STK39: variants seen among roughly 807,000 people sequenced by gnomAD.
STK39 encodes the protein serine/threonine kinase 39.
In STK39, 20 loss-of-function variants were observed where a neutral mutation model predicts 77.8. The ratio of observed to expected loss-of-function variants is 0.26; its 90% CI spans 0.18 to 0.37. The LOEUF (loss-of-function observed/expected upper bound fraction) is 0.37, where lower values mean the gene tolerates loss of function less well. Among genes scored for constraint, STK39 ranks in the 10% least tolerant of loss-of-function variants. The probability of loss-of-function intolerance (pLI) is 1.00; values close to 1 mark genes in which losing one functional copy is unlikely to be tolerated. For missense variants in STK39, 479 were observed against 656.5 expected, an observed-to-expected ratio of 0.73 and a Z score of 2.95; for synonymous variants, 246 against 234.1, an observed-to-expected ratio of 1.05 and a Z score of -0.47.
chr2:168,165,020 A>G (rs776905895), intron 3 of STK39, among the ~76,000 whole-genome samples: 13 of 152,200 alleles, frequency 8.5e-5, no homozygotes, highest in Non-Finnish European at 7.3e-5. Context: ...TAAGAGATTC[A>G]ATGTAATGAA....
intron 12 of STK39, 65 bp from the exon 13 acceptor site, chr2:168,065,446 C>T: frequency 6.7e-7 from 1 of 1,494,140 alleles, no homozygotes; most frequent in South Asian, 1.1e-5. Context: ...AGTGTGGTTA[C>T]ATTAAGTCCC....
intron 16 of STK39, among the ~76,000 whole-genome samples, chr2:168,003,744 C>T (rs768740943): frequency 6.6e-6 from 1 of 152,166 alleles, no homozygotes; most frequent in Non-Finnish European, 1.5e-5. Context: ...TTCAACTAAC[C>T]ACAAGCCTGT....
intron 1 of STK39, among the ~76,000 whole-genome samples, chr2:168,241,147 T>C (rs188949849): frequency 6.6e-4 from 100 of 152,336 alleles, no homozygotes; most frequent in African/African-American, 2.3e-3. Context: ...TGTTCTCTTT[T>C]GTCATTTAAA....
chr2:167,985,329 ACTGAT>A (rs1683530368), intron 16 of STK39, among the ~76,000 whole-genome samples: 1 of 152,328 alleles, frequency 6.6e-6, no homozygotes, highest in African/African-American at 2.4e-5. Flanking sequence ...GAACTTCTGA[ACTGAT>A]TTGTTGTTTG....
intron 2 of STK39, among the ~76,000 whole-genome samples, chr2:168,181,221 A>AG (rs2105628332): frequency 6.6e-6 from 1 of 152,344 alleles, no homozygotes; most frequent in Non-Finnish European, 1.5e-5. Flanking sequence ...AATGGCCAAA[A>AG]GGGAAAAAAA....
At chr2:168,094,830 A>T (rs1652880412) in intron 10 of STK39, among the ~76,000 whole-genome samples, 1 of 152,142 alleles carries the variant, frequency 6.6e-6, no homozygotes, top group Admixed American at 6.5e-5. Flanking sequence ...TGGAACTTCC[A>T]ACTCAAATGC....
intron 12 of STK39, among the ~76,000 whole-genome samples, chr2:168,067,858 C>T (rs115219215): frequency 0.022 from 3,351 of 152,106 alleles, 134 homozygotes; most frequent in African/African-American, 0.077. Flanking sequence ...TGTATTAGTC[C>T]GGTTTCATAT....
chr2:167,959,285 A>AT lies in STK39; in HGVS notation c.1564-3716dup, dbSNP rs1348135554. Among the ~76,000 whole-genome samples the AT allele has an allele frequency of 5.1e-3, 732 of 143,958 alleles. 2 individuals carry two copies. The highest frequency in any genetic ancestry group is 0.013 in the African/African-American group (528 of 39,518). The allele number at this position is 143,958 out of a possible 152,430, so 94.4% of individuals were successfully genotyped here. On this transcript the variant is annotated intron_variant, in intron 17 of 17. Transcript: ENST00000355999. ...AGGTGCCCGCCACCATGTCCAGGTA[A>AT]TTTTTTTTTTTTTGTATTTTTAGTA...
intron 15 of STK39, among the ~76,000 whole-genome samples, chr2:168,015,054 T>C (rs150010875): frequency 6.6e-6 from 1 of 152,350 alleles, no homozygotes; most frequent in African/African-American, 2.4e-5. Context: ...TAGGCAATTA[T>C]TTTGTATGCA....
intron 5 of STK39, among the ~76,000 whole-genome samples, chr2:168,146,740 A>G (rs1688150461): frequency 1.3e-5 from 2 of 152,216 alleles, no homozygotes; most frequent in Non-Finnish European, 2.9e-5. Flanking sequence ...AAAAGTGACC[A>G]TGCAGGGATG....
intron 2 of STK39, among the ~76,000 whole-genome samples, chr2:168,169,420 G>GT (rs1158706526): frequency 6.6e-6 from 1 of 152,178 alleles, no homozygotes; most frequent in Non-Finnish European, 1.5e-5. Context: ...CACTCTAAAT[G>GT]TAAGTGAATG....
At chr2:168,206,709 T>C (rs1455383452) in intron 1 of STK39, among the ~76,000 whole-genome samples, 5 of 152,192 alleles carry the variant, frequency 3.3e-5, no homozygotes, top group South Asian at 2.1e-4. Flanking sequence ...CATTTTATGG[T>C]GTTATGGATC....
In STK39 at chr2:168,022,011, A is replaced by T. The variant is rs72887605; in HGVS notation, c.1377-4916T>A. 6.1e-3 allele frequency among the ~76,000 whole-genome samples: 927 copies of T among 152,270 alleles called. 9 individuals are homozygous for T. The highest frequency in any genetic ancestry group is 7.9e-3 in the Non-Finnish European group (536 of 68,028). ...ATATATTGAATACAGATGATAGCAT[A>T]GTATATCCACTGTTCTGTATCTTGC... On this transcript the variant is annotated intron_variant, in intron 14 of 17. Transcript: ENST00000355999.
chr2:168,230,321 C>T (rs1453936356), intron 1 of STK39, among the ~76,000 whole-genome samples: 1 of 152,176 alleles, frequency 6.6e-6, no homozygotes, highest in East Asian at 1.9e-4. Flanking sequence ...GACTAGGCCT[C>T]AAGAGTCTTT....
chr2:168,198,634 T>C (rs1689534677), intron 1 of STK39, among the ~76,000 whole-genome samples: 1 of 152,238 alleles, frequency 6.6e-6, no homozygotes, highest in Non-Finnish European at 1.5e-5. Flanking sequence ...CATCTGAATC[T>C]GATCTAAACC....
At chr2:168,201,737 G>A (rs1055944323) in intron 1 of STK39, among the ~76,000 whole-genome samples, 2 of 152,052 alleles carry the variant, frequency 1.3e-5, no homozygotes, top group Non-Finnish European at 2.9e-5. Flanking sequence ...GACCCACTGA[G>A]AATCAAAACC....
chr2:168,034,485 A>C (rs145473969), intron 14 of STK39, among the ~76,000 whole-genome samples: 78 of 152,360 alleles, frequency 5.1e-4, no homozygotes, highest in African/African-American at 1.8e-3. Flanking sequence ...TCTGACGAAA[A>C]AAGGGATGGA....
Position 167,998,622 on chromosome 2 carries a change from T to TTTTG in STK39, c.1498+14008_1498+14011dup, listed in dbSNP as rs144974144. ...CGTGATTAATGCCTAAGTTGGTGTT[T>TTTTG]TTTGTTTGTTTGTTTGTTTGTTTTG... is the stretch of plus-strand genomic sequence containing the variant. On this transcript the variant is annotated intron_variant, in intron 16 of 17. Transcript: ENST00000355999. 6.9e-3 allele frequency among the ~76,000 whole-genome samples: 1,042 copies of TTTTG among 151,640 alleles called. 9 individuals are homozygous for TTTTG. The highest frequency in any genetic ancestry group is 0.011 in the Non-Finnish European group (719 of 67,864).
intron 14 of STK39, among the ~76,000 whole-genome samples, chr2:168,022,796 C>T (rs1249800804): frequency 1.3e-5 from 2 of 152,104 alleles, no homozygotes; most frequent in African/African-American, 4.8e-5. Context: ...ATAAATGATA[C>T]ACAGACCCAC....
Sources: gnomAD v4.1 joint callset for allele counts (sites outside exome capture counted in the v4.1 genomes callset) on GRCh38, gnomAD v4.1.1 for gene constraint, MANE v1.5 for transcripts, NCBI Gene and HGNC (gene_info 2026-07-23, HGNC 2026-07-21) for gene names.